MAP7: variants seen among roughly 807,000 people sequenced by gnomAD.
The protein encoded by MAP7 is ensconsin.
A neutral mutation model predicts 94.8 loss-of-function variants in MAP7; 52 were observed. The observed-to-expected ratio is 0.55, with a 90% CI of 0.44 to 0.69. The LOEUF is 0.69. Ranked by LOEUF, MAP7 falls within the 30% of genes least tolerant of loss-of-function variation. The pLI is 0.00. For synonymous variants in MAP7, 350 were observed against 357.0 expected, an observed-to-expected ratio of 0.98 and a Z score of 0.22; for missense variants, 940 against 964.6, an observed-to-expected ratio of 0.97 and a Z score of 0.34.
chr6:136,522,283 A>G (rs1826605756), intron 1 of MAP7, among the ~76,000 whole-genome samples: 2 of 152,100 alleles, frequency 1.3e-5, no homozygotes, highest in Non-Finnish European at 2.9e-5. Context: ...TTACTGTGGT[A>G]ATAACAGTCA....
In MAP7 at chr6:136,480,641, C is replaced by CAAA. The variant is rs769951186; in HGVS notation, c.68-58845_68-58843dup. Among the ~76,000 whole-genome samples the CAAA allele has an allele frequency of 4.5e-3, 90 of 20,146 alleles. 6 individuals are homozygous for CAAA. Among genetic ancestry groups the CAAA allele is most frequent in the East Asian group, 0.011 (10 of 950 alleles). The allele number at this position is 20,146 out of a possible 152,430, so 13.2% of individuals were successfully genotyped here. A position where few individuals can be genotyped will look rare whatever the true frequency, so the allele number is the denominator to read the frequency against. On this transcript the variant is annotated intron_variant, in intron 1 of 17. Coordinates refer to ENST00000354570, the MANE Select transcript of MAP7 (RefSeq NM_003980.6). ...TGGGTGACAGAGTGAGACTCTGCCT[C>CAAA]AAAAAAAAAAAAAAAAAAAAAAAAA... is the stretch of plus-strand genomic sequence containing the variant.
intron 1 of MAP7, among the ~76,000 whole-genome samples, chr6:136,448,966 A>T (rs944232815): frequency 6.6e-6 from 1 of 151,318 alleles, no homozygotes; most frequent in East Asian, 1.9e-4. Context: ...ATGCCTACAT[A>T]CAATGTTCCA....
At chr6:136,432,136 T>G (rs1262051691) in intron 1 of MAP7, among the ~76,000 whole-genome samples, 1 of 152,064 alleles carries the variant, frequency 6.6e-6, no homozygotes, top group African/African-American at 2.4e-5. Context: ...ATGTTCCCGA[T>G]AGGTTAGAGA....
At chr6:136,407,740 A>C (rs78045771) in intron 3 of MAP7, among the ~76,000 whole-genome samples, 238 of 152,346 alleles carry the variant, frequency 1.6e-3, no homozygotes, top group African/African-American at 5.5e-3. Flanking sequence ...GATGGAGACC[A>C]GTCAGTGGAC....
intron 1 of MAP7, among the ~76,000 whole-genome samples, chr6:136,474,310 T>G (rs1810105713): frequency 6.6e-6 from 1 of 152,118 alleles, no homozygotes. Flanking sequence ...GTCTAAAAGG[T>G]GACTCTGGTT....
chr6:136,443,015 T>C (rs1798312591), intron 1 of MAP7, among the ~76,000 whole-genome samples: 1 of 152,204 alleles, frequency 6.6e-6, no homozygotes, highest in African/African-American at 2.4e-5. Context: ...TATGGTTATA[T>C]TTAAATATGG....
intron 15 of MAP7, among the ~76,000 whole-genome samples, chr6:136,357,485 C>T (rs1409772198): frequency 6.6e-6 from 1 of 152,106 alleles, no homozygotes; most frequent in Non-Finnish European, 1.5e-5. Context: ...ATTCCTACCC[C>T]TCACCCCCTT....
Position 136,456,767 on chromosome 6 carries a change from G to GGAA in MAP7, c.68-34971_68-34969dup, listed in dbSNP as rs1554259489. Among the ~76,000 whole-genome samples the GGAA allele has an allele frequency of 9.1e-3, 548 of 60,550 alleles. 9 individuals are homozygous for GGAA. Among genetic ancestry groups the GGAA allele is most frequent in the Non-Finnish European group, 0.013 (408 of 32,468 alleles). The allele number at this position is 60,550 out of a possible 152,430, so 39.7% of individuals were successfully genotyped here. A position where few individuals can be genotyped will look rare whatever the true frequency, so the allele number is the denominator to read the frequency against. ...AGAAGGAGGAGGAGGAGGAGGAGGA[G>GGAA]GAAGAAGAAGAAGAAGAAGAAGAAG... On this transcript the variant is annotated intron_variant, in intron 1 of 17. Transcript: ENST00000354570.
In MAP7 at chr6:136,525,867, TC is replaced by T. The variant is rs1182634870; in HGVS notation, c.67+24474del. Reference sequence around the variant, plus strand: ...TCTGGAATTTCCATTCTTTTGCTGTTCGTCTTCCTCATTAATGGTGAATAAA... The same window carrying T: ...TCTGGAATTTCCATTCTTTTGCTGTTGTCTTCCTCATTAATGGTGAATAAA... On this transcript the variant is annotated intron_variant, in intron 1 of 17. Coordinates refer to ENST00000354570, the MANE Select transcript of MAP7 (RefSeq NM_003980.6). The T allele has an allele frequency of 3.3e-6, 5 of 1,535,746 alleles. No individual in the cohort carries two copies. The African/African-American group carries it at 6.8e-5, about 21-fold the overall frequency.
intron 1 of MAP7, among the ~76,000 whole-genome samples, chr6:136,508,008 AC>A (rs1822095149): frequency 6.6e-6 from 1 of 152,106 alleles, no homozygotes; most frequent in African/African-American, 2.4e-5. Flanking sequence ...TTAAAACCTA[AC>A]TTGCCCAATT....
At chr6:136,480,828 G>A (rs910489765) in intron 1 of MAP7, among the ~76,000 whole-genome samples, 1 of 151,946 alleles carries the variant, frequency 6.6e-6, no homozygotes, top group Non-Finnish European at 1.5e-5. Context: ...AAAAAGGGAA[G>A]AGACACCCCA....
At chr6:136,517,886 G>A (rs897371808) in intron 1 of MAP7, among the ~76,000 whole-genome samples, 4 of 152,138 alleles carry the variant, frequency 2.6e-5, no homozygotes, top group Non-Finnish European at 5.9e-5. Context: ...GGGGCTCAGA[G>A]GCGACAACTG....
At chr6:136,482,799 G>C (rs565968402) in intron 1 of MAP7, among the ~76,000 whole-genome samples, 1 of 152,252 alleles carries the variant, frequency 6.6e-6, no homozygotes, top group South Asian at 2.1e-4. Context: ...GAAGATGATA[G>C]ATCGATTTGG....
chr6:136,383,685 T>A lies in MAP7; in HGVS notation c.623A>T (p.Asn208Ile). 1 of 1,599,576 alleles carries A rather than the reference T, an allele frequency of 6.3e-7. No homozygotes were observed. Among genetic ancestry groups the A allele is most frequent in the East Asian group, 2.3e-5 (1 of 44,418 alleles). ...TTGGACTGTACCTCTATCTGGAGAATTTAGTAAAGTTGCAGATGAAGAGGA... is the reference window on the plus strand; with the variant it reads ...TTGGACTGTACCTCTATCTGGAGAAATTAGTAAAGTTGCAGATGAAGAGGA... The part of the protein sequence containing the change: ...RLSSSSATLL[N>I]SPDRARRLQL... Residue 208 changes from asparagine to isoleucine, a missense_variant, in exon 6 of 18, where the codon AAT becomes ATT. Asn to Ile is a moderately radical substitution (Grantham distance 149). Coordinates refer to ENST00000354570, the MANE Select transcript of MAP7 (RefSeq NM_003980.6).
chr6:136,496,828 C>T (rs1402851794), intron 1 of MAP7, among the ~76,000 whole-genome samples: 2 of 149,988 alleles, frequency 1.3e-5, no homozygotes, highest in Non-Finnish European at 3.0e-5. Context: ...GTGGCACATG[C>T]CTGTAATTCC....
At chr6:136,511,022 G>A (rs1393376341) in intron 1 of MAP7, among the ~76,000 whole-genome samples, 1 of 152,138 alleles carries the variant, frequency 6.6e-6, no homozygotes, top group African/African-American at 2.4e-5. Flanking sequence ...AACCCACACA[G>A]CTGGCTGAAT....
intron 1 of MAP7, among the ~76,000 whole-genome samples, chr6:136,539,426 T>G (rs929128030): frequency 3.9e-5 from 6 of 152,138 alleles, no homozygotes; most frequent in African/African-American, 1.4e-4. Flanking sequence ...GCTTCAGACC[T>G]CACAGCCTCA....
At chr6:136,490,784 G>A (rs922322731) in intron 1 of MAP7, among the ~76,000 whole-genome samples, 1 of 152,124 alleles carries the variant, frequency 6.6e-6, no homozygotes, top group Non-Finnish European at 1.5e-5. Context: ...AGCCAAGCTC[G>A]GCACTAAGGT....
chr6:136,526,759 G>C, intron 1 of MAP7: 1 of 846,570 alleles, frequency 1.2e-6, no homozygotes, highest in Non-Finnish European at 1.4e-6. Flanking sequence ...TTCTGGGCCA[G>C]GTTGTCTATC....
Sources: allele counts gnomAD v4.1 joint callset (sites outside exome capture counted in the v4.1 genomes callset), GRCh38; gene constraint gnomAD v4.1.1; transcripts MANE v1.5; gene names NCBI Gene and HGNC (gene_info 2026-07-23, HGNC 2026-07-21).